Variants in SPATA13 observed in about 807,000 individuals in gnomAD.
SPATA13 encodes spermatogenesis-associated protein 13.
SPATA13 carries 50 observed loss-of-function variants against 104.0 expected under a neutral mutation model. The ratio of observed to expected loss-of-function variants is 0.48; its 90% CI spans 0.38 to 0.61. The LOEUF (loss-of-function observed/expected upper bound fraction) is 0.61. Ranked by LOEUF, SPATA13 falls within the 20% of genes least tolerant of loss-of-function variation. SPATA13 has a pLI of 0.00. For synonymous variants in SPATA13, 606 were observed against 667.5 expected (o/e 0.91, Z 1.42); for missense variants, 1,524 against 1,690.6 (o/e 0.90, Z 1.73).
chr13:24,269,378 ATG>A (rs1874448730), intron 4 of SPATA13, among the ~76,000 whole-genome samples: 1 of 151,720 alleles, frequency 6.6e-6, no homozygotes, highest in African/African-American at 2.4e-5. Flanking sequence ...GTATGTGTGT[ATG>A]TATGTATGTG....
At chr13:24,145,960 A>G (rs1212483857) in intron 3 of SPATA13, among the ~76,000 whole-genome samples, 1 of 152,230 alleles carries the variant, frequency 6.6e-6, no homozygotes, top group African/African-American at 2.4e-5. Context: ...GTCAACAGGC[A>G]TAGACTGCGG....
intron 3 of SPATA13, among the ~76,000 whole-genome samples, chr13:24,137,246 G>A (rs1881602848): frequency 6.6e-6 from 1 of 152,192 alleles, no homozygotes; most frequent in Admixed American, 6.5e-5. Flanking sequence ...CAGTTGGGGT[G>A]AAAGGCCACT....
At chr13:24,166,656 T>G (rs1401290553) in intron 1 of SPATA13, among the ~76,000 whole-genome samples, 2 of 152,234 alleles carry the variant, frequency 1.3e-5, no homozygotes, top group Non-Finnish European at 2.9e-5. Context: ...AAATTAGTTC[T>G]GTGAGTGGGG....
chr13:24,080,772 A>G (rs1043858347), intron 3 of SPATA13, among the ~76,000 whole-genome samples: 28 of 152,206 alleles, frequency 1.8e-4, no homozygotes, highest in Admixed American at 1.4e-3. Context: ...TGGAACGTCC[A>G]TCGCACATGT....
intron 2 of SPATA13, among the ~76,000 whole-genome samples, chr13:24,000,560 C>T (rs1257598866): frequency 6.6e-6 from 1 of 152,168 alleles, no homozygotes; most frequent in Non-Finnish European, 1.5e-5. Flanking sequence ...ACGGCAACAA[C>T]ATAAGATGTT....
intron 1 of SPATA13, among the ~76,000 whole-genome samples, chr13:24,195,902 TC>T (rs1460077773): frequency 6.6e-6 from 1 of 152,202 alleles, no homozygotes; most frequent in African/African-American, 2.4e-5. Flanking sequence ...AATAGCAACC[TC>T]TGTAGGACTG....
At chr13:24,233,623 G>GT (rs144049733) in intron 2 of SPATA13, among the ~76,000 whole-genome samples, 2,152 of 151,922 alleles carry the variant, frequency 0.014, 64 homozygotes, top group African/African-American at 0.046. Flanking sequence ...TTCTAAGTCA[G>GT]TTTAAAAAAA....
chr13:24,021,022 C>G (rs1429689907), intron 3 of SPATA13, among the ~76,000 whole-genome samples: 1 of 152,184 alleles, frequency 6.6e-6, no homozygotes, highest in Non-Finnish European at 1.5e-5. Flanking sequence ...GCCTGTGTGA[C>G]AGATTGAGAC....
Position 24,201,633 on chromosome 13 carries a change from G to A in SPATA13, c.-111-21186G>A, listed in dbSNP as rs146599028. On this transcript the variant is annotated intron_variant, in intron 1 of 12. Coordinates refer to ENST00000382108, the MANE Select transcript of SPATA13 (RefSeq NM_001166271.3). Reference sequence around the variant, plus strand: ...TTTTTGTGTTTTTAGTAGAGACAGGGTTTCACCATGTTGGCCAAAATGGTC... The same window carrying A: ...TTTTTGTGTTTTTAGTAGAGACAGGATTTCACCATGTTGGCCAAAATGGTC... 7.2e-3 allele frequency among the ~76,000 whole-genome samples: 1,090 copies of A among 152,148 alleles called. 16 individuals are homozygous for A. The highest frequency in any genetic ancestry group is 0.024 in the African/African-American group (988 of 41,500).
rs1873355413 is a variant in SPATA13, at chr13:24,249,537, C to T, written c.1714C>T (p.Gln572Ter). 1 of 1,611,586 alleles carries T rather than the reference C, an allele frequency of 6.2e-7. No homozygotes were observed. Among genetic ancestry groups the T allele is most frequent in the African/African-American group, 1.3e-5 (1 of 74,846 alleles). Reference protein sequence around the residue: ...SSQDEERTEAQRTPKRRWGSG... With the variant: ...SSQDEERTEA Reference sequence around the variant, plus strand: ...ACAGGATGAGGAAAGGACAGAGGCACAGAGAACCCCCAAGAGGAGATGGGG... The same window carrying T: ...ACAGGATGAGGAAAGGACAGAGGCATAGAGAACCCCCAAGAGGAGATGGGG... Residue 572 changes from glutamine to a stop codon, truncating the protein, a stop_gained, in exon 3 of 13, where the codon CAG becomes TAG. Coordinates refer to ENST00000382108, the MANE Select transcript of SPATA13 (RefSeq NM_001166271.3). LOFTEE classifies it high-confidence loss of function.
chr13:24,055,254 C>T (rs1878499259), intron 3 of SPATA13, among the ~76,000 whole-genome samples: 1 of 152,218 alleles, frequency 6.6e-6, no homozygotes, highest in African/African-American at 2.4e-5. Flanking sequence ...TTCCCCAGTC[C>T]TCTCCTTCTC....
chr13:24,147,065 C>G (rs1881956578), intron 3 of SPATA13, among the ~76,000 whole-genome samples: 1 of 152,068 alleles, frequency 6.6e-6, no homozygotes, highest in Non-Finnish European at 1.5e-5. Flanking sequence ...TTCCGCTGCC[C>G]ATAACTCCAA....
chr13:24,202,138 C>G (rs998227532), intron 1 of SPATA13, among the ~76,000 whole-genome samples: 2 of 151,970 alleles, frequency 1.3e-5, no homozygotes, highest in African/African-American at 2.4e-5. Context: ...ATATTTGACT[C>G]CTATATTCGT....
At chr13:24,127,208 A>G (rs1183146510) in intron 3 of SPATA13, among the ~76,000 whole-genome samples, 1 of 152,156 alleles carries the variant, frequency 6.6e-6, no homozygotes, top group Admixed American at 6.5e-5. Flanking sequence ...AGGAAGCAAC[A>G]GGGACAGAGC....
chr13:24,095,622 C>CCTTAGATA lies in SPATA13; in HGVS notation c.-112+77922_-112+77929dup, dbSNP rs372598924. 4.0e-3 allele frequency among the ~76,000 whole-genome samples: 615 copies of CCTTAGATA among 152,254 alleles called. 2 individuals are homozygous for CCTTAGATA. The highest frequency in any genetic ancestry group is 0.014 in the African/African-American group (562 of 41,538). ...TAAATATTTTTAAAAAGAAAAACCA[C>CCTTAGATA]CTTAGATAACAGTAAAATGAGACTG... On this transcript the variant is annotated intron_variant, in intron 3 of 14. Transcript: ENST00000424834.
At chr13:23,999,171 C>G (rs1015807699) in intron 2 of SPATA13, among the ~76,000 whole-genome samples, 1 of 152,014 alleles carries the variant, frequency 6.6e-6, no homozygotes. Context: ...AAGTGATCCA[C>G]CTGCCTCGGC....
At chr13:24,283,124 C>T (rs916195139) in intron 4 of SPATA13, among the ~76,000 whole-genome samples, 1 of 152,316 alleles carries the variant, frequency 6.6e-6, no homozygotes, top group Non-Finnish European at 1.5e-5. Flanking sequence ...ATCGGGCCAT[C>T]GCACTGTTCT....
At chr13:24,070,276 G>A (rs1879111037) in intron 3 of SPATA13, among the ~76,000 whole-genome samples, 1 of 152,198 alleles carries the variant, frequency 6.6e-6, no homozygotes, top group Non-Finnish European at 1.5e-5. Context: ...AAATGTCCGA[G>A]GAAATTAGCC....
At chr13:24,076,375 A>C (rs931337833) in intron 3 of SPATA13, among the ~76,000 whole-genome samples, 1 of 152,186 alleles carries the variant, frequency 6.6e-6, no homozygotes, top group Non-Finnish European at 1.5e-5. Flanking sequence ...AAATAAATCA[A>C]TGGGAAAGCA....
Sources: gnomAD v4.1 joint callset for allele counts (sites outside exome capture counted in the v4.1 genomes callset) on GRCh38, gnomAD v4.1.1 for gene constraint, MANE v1.5 for transcripts, NCBI Gene and HGNC (gene_info 2026-07-23, HGNC 2026-07-21) for gene names.